Variants in USP20 observed in about 807,000 individuals in gnomAD.
USP20 encodes the protein ubiquitin specific peptidase 20.
USP20 carries 80 observed loss-of-function variants against 124.2 expected under a neutral mutation model. That is an observed-to-expected ratio of 0.64 (90% confidence interval 0.54 to 0.78). USP20 has a LOEUF of 0.78. USP20 is among the 30% of genes least tolerant of loss of function. USP20 has a pLI of 0.00. For synonymous variants in USP20, 481 were observed against 512.3 expected (o/e 0.94, Z 0.83); for missense variants, 1,043 against 1,244.4 (o/e 0.84, Z 2.44).
intron 14 of USP20, 82 bp from the exon 15 acceptor site, chr9:129,870,371 G>A: frequency 1.0e-5 from 15 of 1,481,364 alleles, no homozygotes; most frequent in Non-Finnish European, 1.3e-5. Flanking sequence ...GCTCAGGCCT[G>A]ACAGACCTCA....
chr9:129,862,417 G>A (rs2033594785), intron 8 of USP20, among the ~76,000 whole-genome samples: 1 of 152,128 alleles, frequency 6.6e-6, no homozygotes, highest in Non-Finnish European at 1.5e-5. Flanking sequence ...GCTGGACGTG[G>A]TGGCACGCAC....
chr9:129,863,660 GGGGA>G (rs2033665221), intron 9 of USP20, among the ~76,000 whole-genome samples: 1 of 150,806 alleles, frequency 6.6e-6, no homozygotes, highest in Non-Finnish European at 1.5e-5. Context: ...GTGTGGGGCA[GGGGA>G]GCACAGACTG....
Position 129,852,740 on chromosome 9 carries a change from C to T in USP20, c.81+104C>T. Reference sequence around the variant, plus strand: ...GTGGAAAAACTGGTTCCCTGACAGTCTCTGCTCAGCTTTCTGTGTAAATGG... The same window carrying T: ...GTGGAAAAACTGGTTCCCTGACAGTTTCTGCTCAGCTTTCTGTGTAAATGG... On this transcript the variant is annotated intron_variant, in intron 3 of 25. Transcript: ENST00000372429. The T allele has an allele frequency of 7.0e-6, 8 of 1,141,700 alleles. No homozygotes were observed. The South Asian group carries it at 9.9e-5, about 14-fold the overall frequency. 70.7% of individuals were successfully genotyped at this position (1,141,700 alleles called of 1,614,324 possible).
intron 2 of USP20, among the ~76,000 whole-genome samples, chr9:129,850,343 C>G (rs2032840190): frequency 6.6e-6 from 1 of 152,272 alleles, no homozygotes; most frequent in African/African-American, 2.4e-5. Flanking sequence ...TGAGGTTCAG[C>G]TCTAGCGCCA....
chr9:129,852,798 C>T (rs2296786), intron 3 of USP20, among the ~76,000 whole-genome samples, 162 bp downstream of exon 3: 85,315 of 151,874 alleles, frequency 0.56, 24,648 homozygotes, highest in East Asian at 0.7. Flanking sequence ...GGCCGCCTTC[C>T]GGAGGCTCTG....
chr9:129,870,043 A>T, intron 14 of USP20, 199 bp downstream of exon 14: 1 of 655,122 alleles, frequency 1.5e-6, no homozygotes, highest in Non-Finnish European at 2.6e-6. Flanking sequence ...AGGATTGGAT[A>T]GTCCCTTGGA....
At position 129,861,601 on chromosome 9, in the gene USP20, C is replaced by G; in HGVS notation, c.486C>G (p.Ala162=). ...NSCYMNAALQ[A]LSNCPPLTQF... ...GCTACATGAACGCTGCCCTGCAGGC[C>G]CTGTCCAATTGGTAGGTCGACACTT... is the stretch of plus-strand genomic sequence containing the variant. Residue 162 remains alanine (A), a synonymous_variant, in exon 8 of 26, where the codon GCC becomes GCG. Coordinates refer to ENST00000372429, the MANE Select transcript of USP20 (RefSeq NM_001110303.4). 1 of 1,614,134 alleles carries G rather than the reference C, an allele frequency of 6.2e-7. No homozygotes were observed. The highest frequency in any genetic ancestry group is 8.5e-7 in the Non-Finnish European group (1 of 1,180,024).
In USP20 at chr9:129,878,432, A is replaced by G; in HGVS notation, c.2504A>G (p.Lys835Arg). The G allele has an allele frequency of 6.2e-7, 1 of 1,607,274 alleles. No individual in the cohort carries two copies. Among genetic ancestry groups the G allele is most frequent in the East Asian group, 2.2e-5 (1 of 44,684 alleles). ...GAGTGGGAGGCGTTCGTCAAGGGGA[A>G]GGACAACGGTGAGCTGAGGGGGGAC... ...FREWEAFVKGKDNEPPGPIDN... is the reference protein window; with the variant it reads ...FREWEAFVKGRDNEPPGPIDN... The change falls in exon 23 of 26, where the codon AAG becomes AGG. Residue 835 changes from lysine (K) to arginine (R), a missense_variant. Coordinates refer to ENST00000372429, the MANE Select transcript of USP20 (RefSeq NM_001110303.4).
rs2034577589 is a variant in USP20, at chr9:129,880,152, A to G, written c.2624A>G (p.Tyr875Cys). Residue 875 changes from tyrosine (Y) to cysteine (C), a missense_variant, in exon 25 of 26, where the codon TAC becomes TGC. Tyr to Cys is a radical substitution (Grantham distance 194). Transcript: ENST00000372429. ...YGQISEETWT[Y>C]LNSLYGGGPE... The stretch of plus-strand genomic sequence containing the variant: ...CAGATTTCGGAGGAGACCTGGACCT[A>G]CCTGAACAGCCTGTATGGAGGTGGC... 7 of 1,613,774 alleles carry G rather than the reference A, an allele frequency of 4.3e-6. No homozygotes were observed. The highest frequency in any genetic ancestry group is 5.9e-6 in the Non-Finnish European group (7 of 1,179,998).
chr9:129,872,212 GCATGA>G (rs2034162054), intron 15 of USP20, among the ~76,000 whole-genome samples: 1 of 151,896 alleles, frequency 6.6e-6, no homozygotes. Context: ...GAGTGCAATG[GCATGA>G]TCTTGGCTCA....
chr9:129,863,407 C>G, intron 9 of USP20, 108 bp downstream of exon 9: 1 of 842,864 alleles, frequency 1.2e-6, no homozygotes, highest in Non-Finnish European at 1.8e-6. Flanking sequence ...GAGGACTTGC[C>G]TCACTTTGTC....
chr9:129,842,632 T>G (rs1399845762), intron 1 of USP20, among the ~76,000 whole-genome samples: 1 of 151,810 alleles, frequency 6.6e-6, no homozygotes, highest in Non-Finnish European at 1.5e-5. Context: ...CTTACTCTGT[T>G]GCCCAGGCTG....
intron 1 of USP20, among the ~76,000 whole-genome samples, chr9:129,846,247 A>ATATATATATATGTATTTTTTTTTT (rs1554742656): frequency 9.2e-5 from 3 of 32,664 alleles, no homozygotes; most frequent in Non-Finnish European, 1.6e-4. Context: ...ATATATATAT[A>ATATATATATATGTATTTTTTTTTT]TTTTTTTTTT....
In USP20 at chr9:129,858,605, T is replaced by C. The variant is rs1255903073; in HGVS notation, c.330+7T>C. ...TTCCAAGTTCTCTGAACAGGTAACC[T>C]GTGTGGTGGGCTCTGTTTGGTTGTT... On this transcript the variant is annotated splice_region_variant and intron_variant, in intron 6 of 25. Coordinates refer to ENST00000372429, the MANE Select transcript of USP20 (RefSeq NM_001110303.4). The C allele has an allele frequency of 3.7e-6, 6 of 1,612,318 alleles. No individual in the cohort carries two copies. Among genetic ancestry groups the C allele is most frequent in the Non-Finnish European group, 5.1e-6 (6 of 1,179,422 alleles).
At chr9:129,848,752 C>T (rs1373319801) in intron 1 of USP20, among the ~76,000 whole-genome samples, 1 of 152,162 alleles carries the variant, frequency 6.6e-6, no homozygotes, top group Non-Finnish European at 1.5e-5. Context: ...GCAAAACCCA[C>T]ACCACTGCAG....
chr9:129,868,842 G>T lies in USP20; in HGVS notation c.1136-20G>T. ...TGGCCTGGCTGCCCTGGCCCAGCAT[G>T]GTACCCTCTCTGCCCCCAGAGCCGG... On this transcript the variant is annotated intron_variant, in intron 11 of 25. Coordinates refer to ENST00000372429, the MANE Select transcript of USP20 (RefSeq NM_001110303.4). 2.0e-6 allele frequency: 3 copies of T among 1,535,984 alleles called. No homozygotes were observed. The highest frequency in any genetic ancestry group is 2.6e-6 in the Non-Finnish European group (3 of 1,138,856).
intron 19 of USP20, 22 bp downstream of exon 19, chr9:129,874,977 G>A (rs2034319646): frequency 5.0e-6 from 8 of 1,610,996 alleles, no homozygotes; most frequent in Non-Finnish European, 3.4e-6. Flanking sequence ...GCCAGGCCTG[G>A]TGGAGGAACC....
rs1004538367 is a variant in USP20, at chr9:129,873,835, C to T, written c.1740+91C>T. The T allele has an allele frequency of 1.4e-5, 21 of 1,487,192 alleles. 1 individual carries two copies. The South Asian group carries it at 1.9e-4, about 13-fold the overall frequency. 92.1% of individuals were successfully genotyped at this position (1,487,192 alleles called of 1,614,324 possible). ...CAGGGGCTGAGCCTGCTCCACTGCTCGGGCACTTCTGTGCTGCAGGGGCCG... is the reference window on the plus strand; with the variant it reads ...CAGGGGCTGAGCCTGCTCCACTGCTTGGGCACTTCTGTGCTGCAGGGGCCG... On this transcript the variant is annotated intron_variant, in intron 17 of 25. Transcript: ENST00000372429.
At chr9:129,845,423 T>G (rs2032482360) in intron 1 of USP20, among the ~76,000 whole-genome samples, 1 of 152,110 alleles carries the variant, frequency 6.6e-6, no homozygotes, top group Non-Finnish European at 1.5e-5. Context: ...TTTGTTTTTG[T>G]TTTTAGGAGC....
Sources: allele counts gnomAD v4.1 joint callset (sites outside exome capture counted in the v4.1 genomes callset), GRCh38; gene constraint gnomAD v4.1.1; transcripts MANE v1.5; gene names NCBI Gene and HGNC (gene_info 2026-07-23, HGNC 2026-07-21).